Variants in ADAMTSL3 observed in about 807,000 individuals in gnomAD.
The protein encoded by ADAMTSL3 is ADAMTS-like protein 3.
A neutral mutation model predicts 201.7 loss-of-function variants in ADAMTSL3; 128 were observed. The ratio of observed to expected loss-of-function variants is 0.63; its 90% CI spans 0.55 to 0.73. The LOEUF is 0.73. Ranked by LOEUF, ADAMTSL3 falls within the 30% of genes least tolerant of loss-of-function variation. ADAMTSL3 has a pLI of 0.00. For synonymous variants in ADAMTSL3, 738 were observed against 748.4 expected, an observed-to-expected ratio of 0.99 and a Z score of 0.23; for missense variants, 1,990 against 2,119.6, an observed-to-expected ratio of 0.94 and a Z score of 1.20.
intron 3 of ADAMTSL3, among the ~76,000 whole-genome samples, chr15:83,738,437 T>A (rs2141626921): frequency 6.6e-6 from 1 of 152,338 alleles, no homozygotes; most frequent in Admixed American, 6.5e-5. Context: ...GTATACCATA[T>A]TTTGAACCTT....
chr15:83,829,871 A>G (rs1038662570), intron 6 of ADAMTSL3, among the ~76,000 whole-genome samples: 3 of 152,116 alleles, frequency 2.0e-5, no homozygotes, highest in Non-Finnish European at 4.4e-5. Flanking sequence ...TTCTAGTTTG[A>G]TTGCACTGTG....
intron 6 of ADAMTSL3, among the ~76,000 whole-genome samples, chr15:83,830,596 C>G (rs1352557892): frequency 1.3e-5 from 2 of 152,216 alleles, no homozygotes; most frequent in Admixed American, 1.3e-4. Flanking sequence ...GGAGTAGGCA[C>G]TGGCAGGGGA....
intron 22 of ADAMTSL3, among the ~76,000 whole-genome samples, 165 bp downstream of exon 22, chr15:83,988,983 G>A (rs1184953475): frequency 6.6e-6 from 1 of 151,560 alleles, no homozygotes; most frequent in African/African-American, 2.4e-5. Context: ...CCGGGTTCAC[G>A]CCATTCTCCA....
At chr15:83,928,931 A>G (rs1475271213) in intron 17 of ADAMTSL3, among the ~76,000 whole-genome samples, 1 of 152,098 alleles carries the variant, frequency 6.6e-6, no homozygotes, top group African/African-American at 2.4e-5. Context: ...ATTCTTGACC[A>G]TTTACTTTTC....
At chr15:83,783,409 T>C (rs1269610278) in intron 4 of ADAMTSL3, among the ~76,000 whole-genome samples, 1 of 152,130 alleles carries the variant, frequency 6.6e-6, no homozygotes, top group African/African-American at 2.4e-5. Context: ...CCAGAATATA[T>C]ATATTTTACA....
At chr15:83,900,324 A>G (rs59950788) in intron 15 of ADAMTSL3, among the ~76,000 whole-genome samples, 4,429 of 152,322 alleles carry the variant, frequency 0.029, 204 homozygotes, top group African/African-American at 0.1. Flanking sequence ...TACCATCTGC[A>G]TGTGATTTGA....
At chr15:83,686,002 G>A (rs773114470) in intron 2 of ADAMTSL3, among the ~76,000 whole-genome samples, 3 of 40,918 alleles carry the variant, frequency 7.3e-5, no homozygotes, top group Non-Finnish European at 1.2e-4. Context: ...CAGCTAGCTC[G>A]TCCTCCCTCC....
chr15:83,876,633 T>G (rs1344162977), intron 9 of ADAMTSL3, among the ~76,000 whole-genome samples: 1 of 152,112 alleles, frequency 6.6e-6, no homozygotes, highest in Non-Finnish European at 1.5e-5. Context: ...GGTTTTTGTT[T>G]TGTTTTGTTT....
intron 21 of ADAMTSL3, 22 bp from the exon 22 acceptor site, chr15:83,988,669 C>T: frequency 1.3e-6 from 2 of 1,568,162 alleles, no homozygotes; most frequent in Non-Finnish European, 1.7e-6. Flanking sequence ...ATGAATGTGT[C>T]GTCTTTCTAA....
intron 7 of ADAMTSL3, among the ~76,000 whole-genome samples, chr15:83,847,321 T>G (rs2064518885): frequency 6.6e-6 from 1 of 152,184 alleles, no homozygotes; most frequent in African/African-American, 2.4e-5. Context: ...AAGTAGTGTA[T>G]AGACAGTCCT....
At chr15:83,730,315 G>A (rs73454648) in intron 3 of ADAMTSL3, among the ~76,000 whole-genome samples, 39 of 152,206 alleles carry the variant, frequency 2.6e-4, no homozygotes, top group African/African-American at 8.4e-4. Flanking sequence ...ATGAGGCCAG[G>A]GGCACTGACT....
chr15:83,758,139 C>T (rs2062750298), intron 3 of ADAMTSL3, among the ~76,000 whole-genome samples: 1 of 152,150 alleles, frequency 6.6e-6, no homozygotes, highest in South Asian at 2.1e-4. Context: ...ACAGCAGCAC[C>T]CCACTCTACC....
chr15:83,996,780 C>CAAAAAAAA (rs35758954), intron 23 of ADAMTSL3, among the ~76,000 whole-genome samples: 3 of 33,828 alleles, frequency 8.9e-5, no homozygotes, highest in Non-Finnish European at 1.5e-4. Flanking sequence ...GACTCTGCCT[C>CAAAAAAAA]AAAAAAAAAA....
chr15:83,833,590 C>G (rs1389627897), intron 6 of ADAMTSL3, among the ~76,000 whole-genome samples: 4 of 152,136 alleles, frequency 2.6e-5, no homozygotes, highest in African/African-American at 9.7e-5. Flanking sequence ...CAACCTAATT[C>G]CAGAATCCAA....
intron 3 of ADAMTSL3, among the ~76,000 whole-genome samples, chr15:83,773,195 T>G (rs2063013156): frequency 6.6e-6 from 1 of 152,230 alleles, no homozygotes; most frequent in African/African-American, 2.4e-5. Flanking sequence ...GCAGATCACC[T>G]GAGGTTAGGA....
chr15:83,661,041 C>T (rs1207614465), intron 2 of ADAMTSL3, among the ~76,000 whole-genome samples: 2 of 142,142 alleles, frequency 1.4e-5, no homozygotes, highest in Admixed American at 7.1e-5. Context: ...AATAGGGAAT[C>T]CTTTCCCCAT....
At chr15:83,925,149 G>A (rs1412636288) in intron 17 of ADAMTSL3, among the ~76,000 whole-genome samples, 2 of 152,078 alleles carry the variant, frequency 1.3e-5, no homozygotes, top group Admixed American at 1.3e-4. Flanking sequence ...GGATTGATAC[G>A]TTAGGTCCCC....
chr15:83,892,414 C>G (rs1243581202), intron 12 of ADAMTSL3, among the ~76,000 whole-genome samples: 1 of 151,292 alleles, frequency 6.6e-6, no homozygotes, highest in Non-Finnish European at 1.5e-5. Flanking sequence ...CCTGTAATCC[C>G]AGCTACTAGG....
At chr15:83,776,124 T>C (rs1002284889) in intron 4 of ADAMTSL3, among the ~76,000 whole-genome samples, 1 of 152,212 alleles carries the variant, frequency 6.6e-6, no homozygotes, top group Non-Finnish European at 1.5e-5. Flanking sequence ...TGGTGACACA[T>C]ATTGAACTCT....
Sources: allele counts gnomAD v4.1 joint callset (sites outside exome capture counted in the v4.1 genomes callset), GRCh38; gene constraint gnomAD v4.1.1; transcripts MANE v1.5; gene names NCBI Gene and HGNC (gene_info 2026-07-23, HGNC 2026-07-21).